The following TMEM132D variants were observed in gnomAD, a reference collection of about 807,000 sequenced individuals.
The protein encoded by TMEM132D is transmembrane protein 132D.
Under a neutral mutation model 62.3 loss-of-function variants are expected in TMEM132D, and 21 were observed. The ratio of observed to expected loss-of-function variants is 0.34; its 90% confidence interval spans 0.24 to 0.49. The LOEUF (loss-of-function observed/expected upper bound fraction) is 0.49, where lower values mean the gene tolerates loss of function less well. Ranked by LOEUF, TMEM132D falls within the 20% of genes least tolerant of loss-of-function variation. TMEM132D has a pLI of 0.99. For missense variants in TMEM132D, 1,346 were observed against 1,402.8 expected (o/e 0.96, Z 0.65); for synonymous variants, 621 against 575.6 (o/e 1.08, Z -1.13).
intron 3 of TMEM132D, among the ~76,000 whole-genome samples, chr12:129,524,096 G>T (rs1875937477): frequency 6.6e-6 from 1 of 151,978 alleles, no homozygotes; most frequent in Non-Finnish European, 1.5e-5. Flanking sequence ...TGGGGGGAGT[G>T]GGGAGGGATA....
intron 5 of TMEM132D, among the ~76,000 whole-genome samples, chr12:129,177,416 T>C (rs1472243509): frequency 2.0e-5 from 3 of 152,122 alleles, no homozygotes; most frequent in South Asian, 2.1e-4. Flanking sequence ...GTGATAATGA[T>C]AGGGAAAAGT....
chr12:129,486,574 T>C (rs1470354672), intron 3 of TMEM132D, among the ~76,000 whole-genome samples: 1 of 152,128 alleles, frequency 6.6e-6, no homozygotes, highest in East Asian at 1.9e-4. Flanking sequence ...ATGATAGTAA[T>C]AAAGCCTGAA....
At chr12:129,400,821 T>C (rs1170772201) in intron 3 of TMEM132D, among the ~76,000 whole-genome samples, 1 of 152,118 alleles carries the variant, frequency 6.6e-6, no homozygotes, top group African/African-American at 2.4e-5. Flanking sequence ...TCCATTTGAG[T>C]GGGAAAGCAA....
At chr12:129,455,688 C>T (rs759712782) in intron 3 of TMEM132D, among the ~76,000 whole-genome samples, 36 of 152,082 alleles carry the variant, frequency 2.4e-4, no homozygotes, top group Non-Finnish European at 3.7e-4. Flanking sequence ...TGCAAAGGCA[C>T]GGTGGCTCAG....
At chr12:129,797,280 C>A (rs1225963653) in intron 1 of TMEM132D, among the ~76,000 whole-genome samples, 1 of 152,164 alleles carries the variant, frequency 6.6e-6, no homozygotes, top group African/African-American at 2.4e-5. Flanking sequence ...TTTCAGTTAC[C>A]TGTTTCCTGT....
intron 1 of TMEM132D, among the ~76,000 whole-genome samples, chr12:129,744,069 TTCTG>T (rs1869696863): frequency 6.6e-6 from 1 of 152,184 alleles, no homozygotes. Flanking sequence ...TGGGTGTGGA[TTCTG>T]TCTGAGATGC....
chr12:129,710,987 C>T (rs760357140), intron 1 of TMEM132D, among the ~76,000 whole-genome samples: 2 of 152,200 alleles, frequency 1.3e-5, no homozygotes, highest in Non-Finnish European at 2.9e-5. Flanking sequence ...CCCCTACCCA[C>T]GCGCATTCCC....
intron 4 of TMEM132D, among the ~76,000 whole-genome samples, chr12:129,285,368 A>C (rs1214941167): frequency 6.6e-6 from 1 of 151,572 alleles, no homozygotes; most frequent in Non-Finnish European, 1.5e-5. Context: ...AAAGTACAAA[A>C]AAAAAAAAAT....
intron 3 of TMEM132D, among the ~76,000 whole-genome samples, chr12:129,487,212 G>A (rs547964990): frequency 4.6e-5 from 7 of 152,242 alleles, no homozygotes; most frequent in South Asian, 2.1e-4. Context: ...GAGACAAGGC[G>A]TGAAACTGTA....
intron 4 of TMEM132D, among the ~76,000 whole-genome samples, chr12:129,289,565 G>A (rs12322308): frequency 0.083 from 10,850 of 131,466 alleles, 526 homozygotes; most frequent in East Asian, 0.24. Context: ...AAAAAAAAAA[G>A]AAAAAAAAGA....
rs994869727 is a variant in TMEM132D at position 129,089,563 on chromosome 12, T to C, written c.1444-4861A>G. 1.8e-3 allele frequency among the ~76,000 whole-genome samples: 168 copies of C among 92,464 alleles called. 4 individuals are homozygous for C. The highest frequency in any genetic ancestry group is 5.0e-3 in the African/African-American group (126 of 25,304). 60.7% of individuals were successfully genotyped at this position (92,464 alleles called of 152,430 possible). On this transcript the variant is annotated intron_variant, in intron 5 of 8. Coordinates refer to ENST00000422113, the MANE Select transcript of TMEM132D (RefSeq NM_133448.3). ...TCCATGACCGGGTGTCCTCCCTGAC[T>C]GAGGTGTCTTCCCTGACCGGGGTGT...
chr12:129,736,334 A>G (rs1869422152), intron 1 of TMEM132D, among the ~76,000 whole-genome samples: 1 of 152,244 alleles, frequency 6.6e-6, no homozygotes, highest in African/African-American at 2.4e-5. Context: ...TTTACTGGCT[A>G]TAGAAATACA....
chr12:129,596,485 G>A (rs775127843), intron 2 of TMEM132D, among the ~76,000 whole-genome samples: 15 of 151,934 alleles, frequency 9.9e-5, no homozygotes, highest in African/African-American at 1.9e-4. Flanking sequence ...GTTCCAGCAC[G>A]CCCTGCAGAT....
chr12:129,632,596 T>C (rs984288886), intron 2 of TMEM132D, among the ~76,000 whole-genome samples: 2 of 152,206 alleles, frequency 1.3e-5, no homozygotes, highest in Admixed American at 1.3e-4. Flanking sequence ...CCTGCAGACA[T>C]GGCTGTCCGC....
chr12:129,236,514 C>CAAAAAAAAAAAAAAAAAAA (rs60745384), intron 4 of TMEM132D, among the ~76,000 whole-genome samples: 2 of 67,094 alleles, frequency 3.0e-5, no homozygotes, highest in Non-Finnish European at 5.8e-5. Flanking sequence ...GACTCCATCT[C>CAAAAAAAAAAAAAAAAAAA]AAAAAAAAAA....
chr12:129,552,419 TCTACCTAGCATCTATCCATCTACCTAC>T (rs1223708950), intron 2 of TMEM132D, among the ~76,000 whole-genome samples: 4 of 152,280 alleles, frequency 2.6e-5, no homozygotes, highest in African/African-American at 9.6e-5. Context: ...CATCTACCTA[TCTACCTAGCATCTATCCATCTACCTAC>T]CTACCTAGCA....
At chr12:129,363,033 C>T (rs917481353) in intron 3 of TMEM132D, among the ~76,000 whole-genome samples, 1 of 152,192 alleles carries the variant, frequency 6.6e-6, no homozygotes, top group African/African-American at 2.4e-5. Context: ...CTCAGTGCTT[C>T]TTCATACACT....
intron 2 of TMEM132D, among the ~76,000 whole-genome samples, chr12:129,587,610 T>G (rs981200759): frequency 6.6e-6 from 1 of 152,100 alleles, no homozygotes; most frequent in African/African-American, 2.4e-5. Flanking sequence ...TGGAACGGTT[T>G]GTACTTATGC....
intron 2 of TMEM132D, among the ~76,000 whole-genome samples, chr12:129,673,763 C>A (rs928525805): frequency 1.3e-5 from 2 of 152,186 alleles, no homozygotes; most frequent in Non-Finnish European, 2.9e-5. Flanking sequence ...CCTGGAAAAA[C>A]CAATTTCCAA....
Sources: allele counts gnomAD v4.1 joint callset (sites outside exome capture counted in the v4.1 genomes callset), GRCh38; gene constraint gnomAD v4.1.1; transcripts MANE v1.5; gene names NCBI Gene and HGNC (gene_info 2026-07-23, HGNC 2026-07-21).